Variants in PCDHA11 observed in about 807,000 individuals in gnomAD.
PCDHA11 encodes the protein protocadherin alpha 11.
Under a neutral mutation model 70.3 loss-of-function variants are expected in PCDHA11, and 61 were observed. That is an observed-to-expected ratio of 0.87 (90% CI 0.71 to 1.07). The LOEUF is 1.07. Among genes scored for constraint, PCDHA11 ranks in the 50% least tolerant of loss-of-function variants. The pLI, the probability that PCDHA11 is intolerant of heterozygous loss-of-function variation, is 0.00. For synonymous variants in PCDHA11, 633 were observed against 555.1 expected (o/e 1.14, Z -1.97); for missense variants, 1,324 against 1,237.5 (o/e 1.07, Z -1.05).
At chr5:141,004,508 G>A (rs1554259596) in intron 3 of PCDHA11, among the ~76,000 whole-genome samples, 1 of 152,200 alleles carries the variant, frequency 6.6e-6, no homozygotes. Flanking sequence ...GCTGTGAGGG[G>A]CTCCCTCTGC....
At chr5:140,931,390 G>A (rs1296292494) in intron 1 of PCDHA11, among the ~76,000 whole-genome samples, 1 of 152,038 alleles carries the variant, frequency 6.6e-6, no homozygotes, top group Non-Finnish European at 1.5e-5. Flanking sequence ...GGAAACATAA[G>A]TAAGCGATAG....
intron 1 of PCDHA11, among the ~76,000 whole-genome samples, chr5:140,972,402 G>A (rs1554234110): frequency 6.6e-6 from 1 of 151,784 alleles, no homozygotes; most frequent in Non-Finnish European, 1.5e-5. Context: ...TTCACTATTG[G>A]CAAACCCTGT....
intron 1 of PCDHA11, chr5:140,966,944 A>C: frequency 6.2e-7 from 1 of 1,603,894 alleles, no homozygotes; most frequent in Non-Finnish European, 8.5e-7. Context: ...GCTCGTGGGC[A>C]ACGTGGCTCG....
intron 1 of PCDHA11, among the ~76,000 whole-genome samples, chr5:140,957,164 T>C (rs2095337835): frequency 6.6e-6 from 1 of 152,148 alleles, no homozygotes; most frequent in Non-Finnish European, 1.5e-5. Flanking sequence ...CAAATCTAAG[T>C]ATATAAATTG....
chr5:141,008,299 C>G (rs1223779122), intron 3 of PCDHA11, among the ~76,000 whole-genome samples: 9 of 152,238 alleles, frequency 5.9e-5, no homozygotes, highest in Non-Finnish European at 1.2e-4. Context: ...TGTACCCAAC[C>G]CTAAACTGTA....
rs2096146085 is a variant in PCDHA11 at position 140,967,476 on chromosome 5, G to T, written c.2392-11473G>T. ...GCCGTGGATGGGGGCATCCCAGCCC[G>T]CTCGGGTACGGCACAGATCTCTGTG... On this transcript the variant is annotated intron_variant, in intron 1 of 3. Transcript: ENST00000398640. The T allele has an allele frequency of 6.2e-7, 1 of 1,613,324 alleles. No individual in the cohort carries two copies. The highest frequency in any genetic ancestry group is 1.3e-5 in the African/African-American group (1 of 75,056).
intron 1 of PCDHA11, among the ~76,000 whole-genome samples, chr5:140,911,559 C>T (rs2075532280): frequency 6.6e-6 from 1 of 152,168 alleles, no homozygotes; most frequent in Non-Finnish European, 1.5e-5. Flanking sequence ...CATTTTCTTT[C>T]ATCACTTTGT....
intron 1 of PCDHA11, chr5:140,876,078 A>C (rs2056099570): frequency 6.2e-7 from 1 of 1,613,868 alleles, no homozygotes; most frequent in Non-Finnish European, 8.5e-7. Flanking sequence ...TATTGGACAG[A>C]GAGCAAACGC....
chr5:140,992,070 GA>G (rs1554252639), intron 3 of PCDHA11, among the ~76,000 whole-genome samples: 1 of 151,052 alleles, frequency 6.6e-6, no homozygotes, highest in Non-Finnish European at 1.5e-5. Context: ...AATTTCAGTA[GA>G]GAATGAGCTA....
Position 140,923,530 on chromosome 5 carries a change from A to G in PCDHA11, c.2391+52036A>G, listed in dbSNP as rs115719485. On this transcript the variant is annotated intron_variant, in intron 1 of 3. Coordinates refer to ENST00000398640, the MANE Select transcript of PCDHA11 (RefSeq NM_018902.5). ...GATGATGAAGTGAGATTCTGTCCCAAAAAAAGGACAAAATGAAATATCAGC... is the reference window on the plus strand; with the variant it reads ...GATGATGAAGTGAGATTCTGTCCCAGAAAAAGGACAAAATGAAATATCAGC... Among the ~76,000 whole-genome samples, 836 of 152,264 alleles carry G rather than the reference A, an allele frequency of 5.5e-3. 5 individuals carry two copies. The highest frequency in any genetic ancestry group is 0.019 in the African/African-American group (794 of 41,534).
intron 1 of PCDHA11, among the ~76,000 whole-genome samples, chr5:140,878,510 A>G (rs781881628): frequency 2.0e-5 from 3 of 152,250 alleles, no homozygotes; most frequent in Non-Finnish European, 4.4e-5. Flanking sequence ...ACGATACAGT[A>G]CAGTTGGTAA....
chr5:140,877,493 A>C, intron 1 of PCDHA11: 1 of 1,613,856 alleles, frequency 6.2e-7, no homozygotes, highest in African/African-American at 1.3e-5. Flanking sequence ...GAGAACGGCC[A>C]GGCCCCAAAG....
intron 1 of PCDHA11, chr5:140,884,276 G>C: frequency 6.8e-6 from 11 of 1,613,638 alleles, no homozygotes; most frequent in Non-Finnish European, 9.3e-6. Context: ...GTTGTCGCTG[G>C]TGGAGAGCGG....
In PCDHA11 at chr5:140,872,619, G is replaced by A. The variant is rs571473600; in HGVS notation, c.2391+1125G>A. On this transcript the variant is annotated intron_variant, in intron 1 of 3. Transcript: ENST00000398640. ...TCTGAAAAAATAATTTTTTTTGCCT[G>A]TTCTTGATTTTGTTCCATGAAAAGG... Among the ~76,000 whole-genome samples, 128 of 152,108 alleles carry A rather than the reference G, an allele frequency of 8.4e-4. 1 individual carries two copies. The highest frequency in any genetic ancestry group is 3.4e-3 in the Middle Eastern group (1 of 294).
intron 1 of PCDHA11, chr5:140,927,238 G>A (rs782670286): frequency 1.2e-6 from 2 of 1,614,122 alleles, no homozygotes; most frequent in Non-Finnish European, 1.7e-6. Flanking sequence ...TCACGTCCTG[G>A]ACACCAATGA....
intron 1 of PCDHA11, chr5:140,966,881 C>A: frequency 6.3e-7 from 1 of 1,589,072 alleles, no homozygotes. Context: ...GCTACCTGGC[C>A]CTGCGGCCTC....
chr5:140,907,598 A>G (rs2073483512), intron 1 of PCDHA11, among the ~76,000 whole-genome samples: 1 of 152,198 alleles, frequency 6.6e-6, no homozygotes, highest in Admixed American at 6.5e-5. Context: ...CACCCTGAGG[A>G]ATGGTGCCAT....
intron 1 of PCDHA11, chr5:140,875,414 C>T: frequency 6.6e-7 from 1 of 1,508,510 alleles, no homozygotes; most frequent in Non-Finnish European, 8.8e-7. Context: ...CATAAAATAC[C>T]TCAGGCAAGC....
intron 3 of PCDHA11, among the ~76,000 whole-genome samples, chr5:140,988,416 A>G (rs1462025901): frequency 6.6e-6 from 1 of 152,118 alleles, no homozygotes; most frequent in Non-Finnish European, 1.5e-5. Flanking sequence ...AGCTTATGTA[A>G]AGAATTTGTT....
Sources: gnomAD v4.1 joint callset for allele counts (sites outside exome capture counted in the v4.1 genomes callset) on GRCh38, gnomAD v4.1.1 for gene constraint, MANE v1.5 for transcripts, NCBI Gene and HGNC (gene_info 2026-07-23, HGNC 2026-07-21) for gene names.